ANO6: variants seen among roughly 807,000 people sequenced by gnomAD.
ANO6 encodes the protein anoctamin-6.
In ANO6, 106 loss-of-function variants were observed where a neutral mutation model predicts 117.5. The ratio of observed to expected loss-of-function variants is 0.90; its 90% CI spans 0.77 to 1.06. The LOEUF is 1.06. Ranked by LOEUF, ANO6 falls within the 50% of genes least tolerant of loss-of-function variation. ANO6 has a pLI of 0.00. For missense variants in ANO6, 955 were observed against 1,121.1 expected (o/e 0.85, Z 2.12); for synonymous variants, 367 against 385.1 (o/e 0.95, Z 0.55).
chr12:45,293,566 T>C (rs989948732), intron 1 of ANO6, among the ~76,000 whole-genome samples: 9 of 151,820 alleles, frequency 5.9e-5, no homozygotes, highest in African/African-American at 2.2e-4. Context: ...TGTATTATAT[T>C]ATATTTTATT....
At chr12:45,340,893 A>G (rs933320779) in intron 3 of ANO6, among the ~76,000 whole-genome samples, 1 of 152,208 alleles carries the variant, frequency 6.6e-6, no homozygotes, top group Non-Finnish European at 1.5e-5. Context: ...TTTGACAAAT[A>G]TAGCACATAT....
intron 3 of ANO6, among the ~76,000 whole-genome samples, chr12:45,340,070 C>T (rs1009068074): frequency 6.6e-6 from 1 of 151,924 alleles, no homozygotes; most frequent in African/African-American, 2.4e-5. Context: ...CTGTGTAATT[C>T]GCAAGTAAGT....
chr12:45,378,189 C>T, intron 10 of ANO6, 76 bp downstream of exon 10: 1 of 1,419,434 alleles, frequency 7.0e-7, no homozygotes, highest in Non-Finnish European at 9.8e-7. Context: ...CAAAGTAACC[C>T]ACTTTTAGGA....
intron 10 of ANO6, among the ~76,000 whole-genome samples, chr12:45,382,667 G>T (rs1185541318): frequency 6.6e-6 from 1 of 152,180 alleles, no homozygotes; most frequent in Non-Finnish European, 1.5e-5. Flanking sequence ...GAGTATCACA[G>T]TAAAGGGAGC....
intron 19 of ANO6, 89 bp downstream of exon 19, chr12:45,423,151 T>G (rs1057306275): frequency 1.1e-6 from 1 of 946,238 alleles, no homozygotes; most frequent in African/African-American, 1.6e-5. Context: ...TTAACATGTG[T>G]GATACTTTCT....
chr12:45,382,657 G>A (rs920450411), intron 10 of ANO6, among the ~76,000 whole-genome samples: 1 of 152,126 alleles, frequency 6.6e-6, no homozygotes, highest in African/African-American at 2.4e-5. Flanking sequence ...ACAAGAAAGC[G>A]AGTATCACAG....
intron 12 of ANO6, among the ~76,000 whole-genome samples, chr12:45,393,428 A>G (rs1225669954): frequency 6.6e-6 from 1 of 152,224 alleles, no homozygotes; most frequent in Non-Finnish European, 1.5e-5. Flanking sequence ...TCTGCAGGAT[A>G]TTATCCAGGA....
chr12:45,303,612 G>T (rs1939569221), intron 2 of ANO6, among the ~76,000 whole-genome samples: 1 of 152,152 alleles, frequency 6.6e-6, no homozygotes, highest in South Asian at 2.1e-4. Context: ...TTGCAGACTG[G>T]CAAGTCTCGG....
At chr12:45,278,442 C>G (rs947400409) in intron 1 of ANO6, among the ~76,000 whole-genome samples, 3 of 152,188 alleles carry the variant, frequency 2.0e-5, no homozygotes, top group Non-Finnish European at 4.4e-5. Flanking sequence ...AATTGGTTCT[C>G]CAATTTTCCA....
rs1396241757 is a variant in ANO6 at position 45,438,017 on chromosome 12, TC to T, written c.2527-1657del. Among the ~76,000 whole-genome samples, 15 of 152,304 alleles carry T rather than the reference TC, an allele frequency of 9.8e-5. No homozygotes were observed. The East Asian group carries it at 2.9e-3, about 29-fold the overall frequency. The stretch of plus-strand genomic sequence containing the variant: ...AAAGACCAGCGCAGTCTTTCCACTC[TC>T]TATGCATGTGAAATCCATTTTCTGG... On this transcript the variant is annotated intron_variant, in intron 19 of 19. Coordinates refer to the ANO6 transcript ENST00000425752.
chr12:45,398,356 T>G (rs1020728695), intron 12 of ANO6, among the ~76,000 whole-genome samples: 2 of 152,352 alleles, frequency 1.3e-5, no homozygotes, highest in African/African-American at 4.8e-5. Flanking sequence ...TTTCACCTCT[T>G]GAATGATAGG....
chr12:45,396,743 A>C (rs760244789), intron 12 of ANO6, among the ~76,000 whole-genome samples: 3 of 152,228 alleles, frequency 2.0e-5, no homozygotes, highest in East Asian at 3.9e-4. Context: ...GAAAGGATTC[A>C]CTATTTAATA....
chr12:45,332,004 T>C (rs1940680565), intron 3 of ANO6, among the ~76,000 whole-genome samples: 1 of 152,036 alleles, frequency 6.6e-6, no homozygotes, highest in African/African-American at 2.4e-5. Context: ...TTTTCTCTGT[T>C]ACCTCCCTTT....
intron 1 of ANO6, among the ~76,000 whole-genome samples, chr12:45,224,044 G>A (rs1947444840): frequency 6.6e-6 from 1 of 152,182 alleles, no homozygotes; most frequent in South Asian, 2.1e-4. Context: ...CAGGCACTCT[G>A]CTAGGTTCCA....
At chr12:45,429,060 C>G in intron 19 of ANO6, 45 bp from the exon 20 acceptor site, 1 of 1,601,238 alleles carries the variant, frequency 6.2e-7, no homozygotes, top group South Asian at 1.1e-5. Flanking sequence ...TCGGTGTTCT[C>G]CTCCATTTCT....
intron 10 of ANO6, among the ~76,000 whole-genome samples, chr12:45,380,577 C>G (rs1389222923): frequency 6.6e-6 from 1 of 152,194 alleles, no homozygotes; most frequent in Non-Finnish European, 1.5e-5. Flanking sequence ...CTGTTCAGCC[C>G]AGTTTCTGAC....
intron 2 of ANO6, 131 bp downstream of exon 2, chr12:45,302,224 C>A: frequency 1.2e-6 from 1 of 823,030 alleles, no homozygotes; most frequent in Non-Finnish European, 2.0e-6. Flanking sequence ...ATTGCAGGGA[C>A]TGTGCGTTCA....
At chr12:45,299,704 A>G (rs985048307) in intron 1 of ANO6, among the ~76,000 whole-genome samples, 1 of 152,006 alleles carries the variant, frequency 6.6e-6, no homozygotes, top group Non-Finnish European at 1.5e-5. Flanking sequence ...TACAAAAAAA[A>G]CTAGCCAGGT....
intron 1 of ANO6, among the ~76,000 whole-genome samples, chr12:45,289,715 T>C (rs1419235245): frequency 6.6e-6 from 1 of 152,218 alleles, no homozygotes; most frequent in Admixed American, 6.5e-5. Context: ...ATTTGGTAAA[T>C]ACTCAATTTG....
Sources: allele counts gnomAD v4.1 joint callset (sites outside exome capture counted in the v4.1 genomes callset), GRCh38; gene constraint gnomAD v4.1.1; transcripts MANE v1.5; gene names NCBI Gene and HGNC (gene_info 2026-07-23, HGNC 2026-07-21).